The following SLC15A1 variants were observed in gnomAD, a reference collection of about 807,000 sequenced individuals.
SLC15A1 encodes the protein Caco-2 oligopeptide transporter.
A neutral mutation model predicts 92.9 loss-of-function variants in SLC15A1; 83 were observed. The ratio of observed to expected loss-of-function variants is 0.89; its 90% confidence interval spans 0.75 to 1.07. The LOEUF is 1.07. SLC15A1 is among the 50% of genes least tolerant of loss of function. The pLI is 0.00. For synonymous variants in SLC15A1, 322 were observed against 318.2 expected (o/e 1.01, Z -0.13); for missense variants, 857 against 880.1 (o/e 0.97, Z 0.33).
intron 15 of SLC15A1, among the ~76,000 whole-genome samples, chr13:98,708,142 G>C (rs1175734548): frequency 6.6e-6 from 1 of 152,002 alleles, no homozygotes; most frequent in African/African-American, 2.4e-5. Flanking sequence ...GCAAAGAGAG[G>C]GAGGAAGTGG....
rs143855389 is a variant in SLC15A1 at position 98,696,752 on chromosome 13, C to T, written c.1466+5728G>A. Among the ~76,000 whole-genome samples, 19 of 152,240 alleles carry T rather than the reference C, an allele frequency of 1.2e-4. No homozygotes were observed. In the East Asian group the frequency reaches 2.3e-3, roughly 19 times the overall value. On this transcript the variant is annotated intron_variant, in intron 18 of 22. Transcript: ENST00000376503. ...GAAGGGGTGAGGGGCTGAATGGTGT[C>T]GCTCTCAAATTCACAGGCTGGAACT...
At chr13:98,748,861 CA>C (rs1190051927) in intron 1 of SLC15A1, among the ~76,000 whole-genome samples, 1 of 152,170 alleles carries the variant, frequency 6.6e-6, no homozygotes, top group East Asian at 1.9e-4. Flanking sequence ...GGAACGTGGT[CA>C]AATGTCAGTG....
chr13:98,743,574 A>G (rs1198618160), intron 1 of SLC15A1, among the ~76,000 whole-genome samples: 1 of 152,202 alleles, frequency 6.6e-6, no homozygotes, highest in African/African-American at 2.4e-5. Flanking sequence ...AGAGTGCTCC[A>G]GGGTTCACAT....
chr13:98,704,545 A>G, intron 16 of SLC15A1, 110 bp from the exon 17 acceptor site: 1 of 1,148,338 alleles, frequency 8.7e-7, no homozygotes, highest in South Asian at 1.6e-5. Context: ...GTTCATGTTC[A>G]TAGATACCAA....
rs77679207 is a variant in SLC15A1, at chr13:98,729,686, C to T, written c.5-2827G>A. ...TCTGGGGCCCTTCCTTGCAGATTTA[C>T]TGCCTTATATTTTCATTATGTGCAA... On this transcript the variant is annotated intron_variant, in intron 1 of 22. Transcript: ENST00000376503. 1.6e-3 allele frequency among the ~76,000 whole-genome samples: 251 copies of T among 152,338 alleles called. 1 individual carries two copies. The Middle Eastern group carries it at 0.017, about 10-fold the overall frequency.
intron 18 of SLC15A1, among the ~76,000 whole-genome samples, chr13:98,698,740 A>T (rs1593983727): frequency 6.6e-6 from 1 of 152,302 alleles, no homozygotes; most frequent in Admixed American, 6.5e-5. Flanking sequence ...CCCAGCCTAC[A>T]TTCGTAAGTT....
chr13:98,705,471 T>C (rs1004025311), intron 16 of SLC15A1, among the ~76,000 whole-genome samples: 1 of 152,222 alleles, frequency 6.6e-6, no homozygotes, highest in African/African-American at 2.4e-5. Flanking sequence ...TCTCCAGAGA[T>C]GGCTAAATGT....
At chr13:98,688,624 T>C (rs751340772) in intron 18 of SLC15A1, 47 bp from the exon 19 acceptor site, 1 of 1,400,436 alleles carries the variant, frequency 7.1e-7, no homozygotes, top group Non-Finnish European at 1.0e-6. Context: ...GAGAATAATA[T>C]ATTCTAGGTC....
chr13:98,684,635 A>C lies in SLC15A1; in HGVS notation c.*89T>G. ...TCCCAATTCTGAAGTCTTCCTCATC[A>C]GGGGCCATCCAATGGAGTGTCCTGC... is the stretch of plus-strand genomic sequence containing the variant. On this transcript the variant is annotated 3_prime_UTR_variant, in exon 23 of 23. Transcript: ENST00000376503. 2 of 918,642 alleles carry C rather than the reference A, an allele frequency of 2.2e-6. No individual in the cohort carries two copies. The highest frequency in any genetic ancestry group is 3.4e-6 in the Non-Finnish European group (2 of 589,872). 56.9% of individuals were successfully genotyped at this position (918,642 alleles called of 1,614,324 possible).
intron 1 of SLC15A1, among the ~76,000 whole-genome samples, chr13:98,741,160 C>T (rs1238294462): frequency 3.3e-5 from 5 of 152,168 alleles, no homozygotes; most frequent in Non-Finnish European, 7.3e-5. Flanking sequence ...TGAGCGAGGG[C>T]CACTCAATCC....
chr13:98,726,494 T>C (rs2088302698), intron 2 of SLC15A1, 45 bp from the exon 3 acceptor site: 4 of 1,558,462 alleles, frequency 2.6e-6, no homozygotes, highest in Non-Finnish European at 2.6e-6. Context: ...CACCCCCCAC[T>C]GGTCCATAGC....
At chr13:98,749,957 C>T (rs1194927737) in intron 1 of SLC15A1, among the ~76,000 whole-genome samples, 3 of 152,136 alleles carry the variant, frequency 2.0e-5, no homozygotes, top group Admixed American at 6.5e-5. Flanking sequence ...TGAGAAGTTG[C>T]CACAGAGACC....
intron 15 of SLC15A1, 118 bp from the exon 16 acceptor site, chr13:98,706,371 G>C: frequency 8.9e-7 from 1 of 1,121,086 alleles, no homozygotes; most frequent in Non-Finnish European, 1.3e-6. Flanking sequence ...GCTGAAACAC[G>C]CCAGGTGTCT....
intron 18 of SLC15A1, among the ~76,000 whole-genome samples, chr13:98,700,021 T>C (rs1208428855): frequency 6.6e-6 from 1 of 152,238 alleles, no homozygotes; most frequent in Non-Finnish European, 1.5e-5. Flanking sequence ...CCTCAAAAAG[T>C]TGCACACTGT....
chr13:98,720,148 T>C (rs544908661), intron 7 of SLC15A1, among the ~76,000 whole-genome samples: 1 of 152,332 alleles, frequency 6.6e-6, no homozygotes, highest in South Asian at 2.1e-4. Flanking sequence ...GTGACACTCA[T>C]GCAAATGTTT....
intron 17 of SLC15A1, among the ~76,000 whole-genome samples, chr13:98,703,748 G>A (rs2088089620): frequency 6.6e-6 from 1 of 151,518 alleles, no homozygotes; most frequent in African/African-American, 2.4e-5. Context: ...GTAGAGACAG[G>A]GGTCTCACTG....
chr13:98,688,196 A>G, intron 20 of SLC15A1, 52 bp downstream of exon 20: 3 of 1,196,310 alleles, frequency 2.5e-6, no homozygotes, highest in Admixed American at 1.9e-5. Flanking sequence ...GTGAGTCTTC[A>G]TATCAATCGA....
In SLC15A1 at chr13:98,688,454, C is replaced by A. The variant is rs2087949129; in HGVS notation, c.1574+16G>T. 6.2e-7 allele frequency: 1 copy of A among 1,610,146 alleles called. No homozygotes were observed. Among genetic ancestry groups the A allele is most frequent in the Non-Finnish European group, 8.5e-7 (1 of 1,176,816 alleles). The stretch of plus-strand genomic sequence containing the variant: ...TTCTTGAACCTTTGAGTGAAGCATT[C>A]AGTCTCGGTACTTACATGCCAGAAG... On this transcript the variant is annotated intron_variant, in intron 19 of 22. Transcript: ENST00000376503.
At chr13:98,732,369 T>C (rs1431170812) in intron 1 of SLC15A1, among the ~76,000 whole-genome samples, 1 of 152,176 alleles carries the variant, frequency 6.6e-6, no homozygotes, top group East Asian at 1.9e-4. Context: ...CTTCTTGCTA[T>C]TCTAGGCCCA....
Sources: allele counts gnomAD v4.1 joint callset (sites outside exome capture counted in the v4.1 genomes callset), GRCh38; gene constraint gnomAD v4.1.1; transcripts MANE v1.5; gene names NCBI Gene and HGNC (gene_info 2026-07-23, HGNC 2026-07-21).